ULK4: variants seen among roughly 807,000 people sequenced by gnomAD.
The protein encoded by ULK4 is inactive serine/threonine-protein kinase ULK4.
In ULK4, 133 loss-of-function variants were observed where a neutral mutation model predicts 160.6. The ratio of observed to expected loss-of-function variants is 0.83; its 90% confidence interval spans 0.72 to 0.96. The LOEUF is 0.96. ULK4 is among the 40% of genes least tolerant of loss of function. The pLI is 0.00. For synonymous variants in ULK4, 534 were observed against 539.8 expected (o/e 0.99, Z 0.15); for missense variants, 1,580 against 1,499.5 (o/e 1.05, Z -0.89).
At chr3:41,748,848 T>A (rs1053849944) in intron 22 of ULK4, among the ~76,000 whole-genome samples, 18 of 152,190 alleles carry the variant, frequency 1.2e-4, no homozygotes, top group African/African-American at 4.1e-4. Context: ...GATAATAATA[T>A]CTTGTAGATG....
At chr3:41,849,954 C>A (rs1310417622) in intron 17 of ULK4, among the ~76,000 whole-genome samples, 1 of 151,980 alleles carries the variant, frequency 6.6e-6, no homozygotes, top group East Asian at 1.9e-4. Flanking sequence ...TAATGCTATC[C>A]CTTCCCCTCC....
At chr3:41,302,693 CTTATT>C (rs1479441947) in intron 35 of ULK4, among the ~76,000 whole-genome samples, 3 of 152,096 alleles carry the variant, frequency 2.0e-5, no homozygotes, top group Non-Finnish European at 2.9e-5. Context: ...CAAAACACTG[CTTATT>C]TTAAGTGAAC....
chr3:41,368,788 T>C (rs558881800), intron 35 of ULK4, among the ~76,000 whole-genome samples: 6 of 152,390 alleles, frequency 3.9e-5, no homozygotes, highest in African/African-American at 1.2e-4. Context: ...CCTTCATCAA[T>C]TGAATTACAT....
At chr3:41,758,623 T>A (rs1201519597) in intron 21 of ULK4, among the ~76,000 whole-genome samples, 1 of 152,164 alleles carries the variant, frequency 6.6e-6, no homozygotes, top group Admixed American at 6.5e-5. Context: ...CAGTGGCTCA[T>A]GCCTGTAATC....
chr3:41,263,953 T>C (rs575278674), intron 35 of ULK4, among the ~76,000 whole-genome samples: 17 of 152,112 alleles, frequency 1.1e-4, no homozygotes, highest in Non-Finnish European at 2.2e-4. Context: ...AGAAACACAA[T>C]TAAAAAGTAA....
chr3:41,856,599 A>G (rs1345904966), intron 17 of ULK4, among the ~76,000 whole-genome samples: 9 of 80,140 alleles, frequency 1.1e-4, no homozygotes, highest in Non-Finnish European at 1.3e-4. Flanking sequence ...ACATATATAT[A>G]TATGTGTATA....
In ULK4 at chr3:41,597,876, G is replaced by A. The variant is rs144922112; in HGVS notation, c.3120+17793C>T. On this transcript the variant is annotated intron_variant, in intron 31 of 36. Transcript: ENST00000301831. ...CAATTTGCAATTTGCAATGCAACAC[G>A]TGGAGAAAAGCAAAAAAACGAAACC... 2.6e-5 allele frequency among the ~76,000 whole-genome samples: 4 copies of A among 152,218 alleles called. No homozygotes were observed. In the South Asian group the frequency reaches 6.2e-4, roughly 24 times the overall value.
chr3:41,303,843 G>C (rs1163847194), intron 35 of ULK4, among the ~76,000 whole-genome samples: 2 of 152,122 alleles, frequency 1.3e-5, no homozygotes, highest in Non-Finnish European at 2.9e-5. Flanking sequence ...GGGCTGTATG[G>C]GCACAAGAGG....
chr3:41,828,333 C>A (rs2041443887), intron 18 of ULK4, among the ~76,000 whole-genome samples: 1 of 149,512 alleles, frequency 6.7e-6, no homozygotes, highest in Non-Finnish European at 1.5e-5. Context: ...AAAGGGCATT[C>A]AATTAGGAAA....
intron 17 of ULK4, among the ~76,000 whole-genome samples, chr3:41,880,987 C>G (rs1188365531): frequency 6.6e-6 from 1 of 152,100 alleles, no homozygotes; most frequent in Non-Finnish European, 1.5e-5. Flanking sequence ...ACAATTTTTC[C>G]TGTTCACTGA....
At chr3:41,253,880 T>G (rs9854046) in intron 35 of ULK4, among the ~76,000 whole-genome samples, 30,592 of 152,084 alleles carry the variant, frequency 0.2, 5,366 homozygotes, top group African/African-American at 0.46. Context: ...TCAGGCAAAG[T>G]AGACTTCAGA....
chr3:41,701,582 T>C (rs2036677059), intron 27 of ULK4, among the ~76,000 whole-genome samples: 1 of 152,166 alleles, frequency 6.6e-6, no homozygotes, highest in Non-Finnish European at 1.5e-5. Context: ...ATAAAGGATG[T>C]ACTTCAGTCA....
chr3:41,767,966 C>T (rs573778720), intron 21 of ULK4, among the ~76,000 whole-genome samples: 1 of 152,302 alleles, frequency 6.6e-6, no homozygotes, highest in South Asian at 2.1e-4. Flanking sequence ...GTTAGGAACC[C>T]GGCTGCACAG....
intron 22 of ULK4, among the ~76,000 whole-genome samples, chr3:41,723,954 G>A (rs921694458): frequency 6.6e-6 from 1 of 152,196 alleles, no homozygotes; most frequent in African/African-American, 2.4e-5. Flanking sequence ...AGACATTCAT[G>A]CTAAAGTTCA....
intron 30 of ULK4, among the ~76,000 whole-genome samples, chr3:41,620,524 A>C (rs2033193387): frequency 6.6e-6 from 1 of 152,268 alleles, no homozygotes; most frequent in South Asian, 2.1e-4. Flanking sequence ...CCACATGATT[A>C]TCTCAATAGA....
chr3:41,384,537 T>C (rs752536404), intron 35 of ULK4, among the ~76,000 whole-genome samples: 2 of 152,078 alleles, frequency 1.3e-5, no homozygotes, highest in Non-Finnish European at 2.9e-5. Flanking sequence ...TTTTCTGAGA[T>C]CAGATGAGAT....
At position 41,925,398 on chromosome 3, in the gene ULK4, T is replaced by C. The variant is rs9878441; in HGVS notation, c.542-5580A>G. On this transcript the variant is annotated intron_variant, in intron 5 of 36. Coordinates refer to ENST00000301831, the MANE Select transcript of ULK4 (RefSeq NM_017886.4). ...ACATACTGCATTTTTCCCACGGTCT[T>C]TGCAACCCACAGACCAGGAGATTCC... is the stretch of plus-strand genomic sequence containing the variant. Among the ~76,000 whole-genome samples the C allele has an allele frequency of 4.8e-3, 725 of 152,276 alleles. 3 individuals are homozygous for C. The highest frequency in any genetic ancestry group is 0.016 in the African/African-American group (684 of 41,552).
In ULK4 at chr3:41,650,984, TC is replaced by T. The variant is rs2034717731; in HGVS notation, c.3071+12622del. 5.3e-5 allele frequency among the ~76,000 whole-genome samples: 8 copies of T among 152,314 alleles called. No homozygotes were observed. In the South Asian group the frequency reaches 1.7e-3, roughly 32 times the overall value. On this transcript the variant is annotated intron_variant, in intron 30 of 36. Coordinates refer to ENST00000301831, the MANE Select transcript of ULK4 (RefSeq NM_017886.4). ...ACCCCCATATCTCCTTCTAGCTCTCTCTTTTTCAGCTCTCCCCTTTGCAGCA... is the reference window on the plus strand; with the variant it reads ...ACCCCCATATCTCCTTCTAGCTCTCTTTTTTCAGCTCTCCCCTTTGCAGCA...
chr3:41,839,552 G>T (rs1333427027), intron 17 of ULK4, among the ~76,000 whole-genome samples: 1 of 150,400 alleles, frequency 6.6e-6, no homozygotes, highest in Non-Finnish European at 1.5e-5. Context: ...GGAATACTAC[G>T]AACAACTGTA....
Sources: allele counts gnomAD v4.1 joint callset (sites outside exome capture counted in the v4.1 genomes callset), GRCh38; gene constraint gnomAD v4.1.1; transcripts MANE v1.5; gene names NCBI Gene and HGNC (gene_info 2026-07-23, HGNC 2026-07-21).